Variants in ARMC9 observed in about 807,000 individuals in gnomAD.
ARMC9 encodes the protein lisH domain-containing protein ARMC9.
ARMC9 carries 94 observed loss-of-function variants against 107.0 expected under a neutral mutation model. That is an observed-to-expected ratio of 0.88 (90% CI 0.74 to 1.04). ARMC9 has a LOEUF of 1.04. Among genes scored for constraint, ARMC9 ranks in the 50% least tolerant of loss-of-function variants. The pLI is 0.00. For synonymous variants in ARMC9, 380 were observed against 396.9 expected, an observed-to-expected ratio of 0.96 and a Z score of 0.51; for missense variants, 942 against 1,030.1, an observed-to-expected ratio of 0.91 and a Z score of 1.17.
intron 8 of ARMC9, 40 bp downstream of exon 8, chr2:231,235,421 A>G (rs750592887): frequency 3.1e-5 from 50 of 1,610,896 alleles, no homozygotes; most frequent in Non-Finnish European, 3.8e-5. Context: ...CTGTTTGGCA[A>G]TGAAGAAGGC....
At chr2:231,318,625 G>T (rs1180106415) in intron 19 of ARMC9, among the ~76,000 whole-genome samples, 1 of 152,166 alleles carries the variant, frequency 6.6e-6, no homozygotes, top group East Asian at 1.9e-4. Context: ...ACGCCTCCAG[G>T]CAGGAAGGCC....
chr2:231,285,186 A>G (rs1447535839), intron 17 of ARMC9, among the ~76,000 whole-genome samples: 1 of 152,074 alleles, frequency 6.6e-6, no homozygotes, highest in Non-Finnish European at 1.5e-5. Flanking sequence ...TAACAGAGCA[A>G]GACTCTGTCT....
At chr2:231,367,461 G>A (rs2045862913) in intron 23 of ARMC9, among the ~76,000 whole-genome samples, 1 of 152,102 alleles carries the variant, frequency 6.6e-6, no homozygotes, top group Admixed American at 6.5e-5. Flanking sequence ...TGCCTTTGAG[G>A]GCTGCCTCCC....
intron 6 of ARMC9, among the ~76,000 whole-genome samples, chr2:231,225,273 T>C (rs2034532502): frequency 6.6e-6 from 1 of 152,194 alleles, no homozygotes; most frequent in African/African-American, 2.4e-5. Context: ...GCAGGTTAAG[T>C]TCCCTCAGAG....
At chr2:231,286,010 C>A (rs1293230359) in intron 17 of ARMC9, among the ~76,000 whole-genome samples, 5 of 149,302 alleles carry the variant, frequency 3.3e-5, no homozygotes, top group Non-Finnish European at 5.9e-5. Flanking sequence ...AATAAGACAA[C>A]AAGGAAAACG....
chr2:231,239,853 G>T, intron 8 of ARMC9, 90 bp from the exon 9 acceptor site: 1 of 1,079,094 alleles, frequency 9.3e-7, no homozygotes. Context: ...GAAAGCTGTT[G>T]AGAGACCACT....
At chr2:231,268,861 T>C (rs2039070731) in intron 12 of ARMC9, among the ~76,000 whole-genome samples, 1 of 151,922 alleles carries the variant, frequency 6.6e-6, no homozygotes, top group Non-Finnish European at 1.5e-5. Context: ...CAGGAGTTTG[T>C]GAGCAGCCTG....
chr2:231,287,124 A>T (rs2040649978), intron 17 of ARMC9, among the ~76,000 whole-genome samples: 1 of 152,204 alleles, frequency 6.6e-6, no homozygotes. Flanking sequence ...CTGGGCTTAG[A>T]AGCCACTCAG....
At chr2:231,312,483 C>A (rs990499270) in intron 19 of ARMC9, among the ~76,000 whole-genome samples, 1 of 152,238 alleles carries the variant, frequency 6.6e-6, no homozygotes, top group Non-Finnish European at 1.5e-5. Flanking sequence ...GATGTCCTTG[C>A]CAGGATGGCA....
At chr2:231,220,289 T>C (rs1434610996) in intron 5 of ARMC9, among the ~76,000 whole-genome samples, 2 of 152,112 alleles carry the variant, frequency 1.3e-5, no homozygotes, top group Non-Finnish European at 2.9e-5. Flanking sequence ...TCCTGTCTTT[T>C]ATTTCTTTAA....
intron 9 of ARMC9, among the ~76,000 whole-genome samples, chr2:231,240,917 G>C (rs2036235459): frequency 6.6e-6 from 1 of 152,112 alleles, no homozygotes; most frequent in Non-Finnish European, 1.5e-5. Context: ...AGAACATTTT[G>C]CTGGGTGCGG....
At chr2:231,280,172 G>T (rs1330285268) in intron 16 of ARMC9, among the ~76,000 whole-genome samples, 1 of 152,146 alleles carries the variant, frequency 6.6e-6, no homozygotes, top group African/African-American at 2.4e-5. Flanking sequence ...GAGCTGGATG[G>T]GCCGGGCACG....
chr2:231,256,244 G>T, intron 9 of ARMC9: 1 of 1,542,678 alleles, frequency 6.5e-7, no homozygotes, highest in Non-Finnish European at 8.8e-7. Context: ...AAAAGGCCCC[G>T]TGCGCGAGGG....
At chr2:231,264,866 G>A (rs960390475) in intron 12 of ARMC9, among the ~76,000 whole-genome samples, 5 of 152,022 alleles carry the variant, frequency 3.3e-5, no homozygotes, top group African/African-American at 1.2e-4. Flanking sequence ...CAGCACTTTG[G>A]TAGGCCGAGG....
At chr2:231,224,767 T>TA (rs2034484070) in intron 6 of ARMC9, among the ~76,000 whole-genome samples, 1 of 152,170 alleles carries the variant, frequency 6.6e-6, no homozygotes, top group South Asian at 2.1e-4. Flanking sequence ...GATTTAGGGA[T>TA]ATAAAGAAAA....
Position 231,331,846 on chromosome 2 carries a change from C to T in ARMC9, c.1827C>T (p.Pro609=), listed in dbSNP as rs2043760009. 1.9e-6 allele frequency: 3 copies of T among 1,613,944 alleles called. No homozygotes were observed. The highest frequency in any genetic ancestry group is 2.2e-5 in the South Asian group (2 of 91,076). Residue 609 remains proline (P), a synonymous_variant, in exon 20 of 25, where the codon CCC becomes CCT. Transcript: ENST00000611582. Reference sequence around the variant, plus strand: ...TGGACAAAGACGAACTGATCCAGCCCCAGCTCGGAGAACTCTCAGGAGAGA... The same window carrying T: ...TGGACAAAGACGAACTGATCCAGCCTCAGCTCGGAGAACTCTCAGGAGAGA... The part of the protein sequence containing the change: ...ADLDKDELIQ[P]QLGELSGEKL...
intron 7 of ARMC9, among the ~76,000 whole-genome samples, chr2:231,229,936 C>A (rs540646355): frequency 3.9e-5 from 6 of 152,000 alleles, no homozygotes; most frequent in Non-Finnish European, 8.8e-5. Flanking sequence ...GCTTGAGTGG[C>A]GGGGGAGAGA....
chr2:231,292,049 TC>T (rs957461254), intron 18 of ARMC9, among the ~76,000 whole-genome samples: 40 of 150,878 alleles, frequency 2.7e-4, no homozygotes, highest in Middle Eastern at 3.5e-3. Context: ...ATGCCTGTAG[TC>T]CCAGCTACTC....
At position 231,222,729 on chromosome 2, in the gene ARMC9, A is replaced by G; in HGVS notation, c.506A>G (p.Asp169Gly). ...ATTTTTGTTCCCTTTTTTCTTTAGG[A>G]TTCCTGGACTCCAGAGTTAAAGTTG... Reference protein sequence around the residue: ...VHPSFKELFQDSWTPELKLKL... With the variant: ...VHPSFKELFQGSWTPELKLKL... Residue 169 changes from aspartate (D) to glycine (G), a missense_variant and splice_region_variant, in exon 6 of 25, where the codon GAT (aspartate) becomes GGT (glycine). Coordinates refer to ENST00000611582, the MANE Select transcript of ARMC9 (RefSeq NM_001352754.2). 6.6e-7 allele frequency: 1 copy of G among 1,509,374 alleles called. No individual in the cohort carries two copies. The highest frequency in any genetic ancestry group is 9.1e-7 in the Non-Finnish European group (1 of 1,095,314). 93.5% of individuals were successfully genotyped at this position (1,509,374 alleles called of 1,614,324 possible).
Sources: allele counts gnomAD v4.1 joint callset (sites outside exome capture counted in the v4.1 genomes callset), GRCh38; gene constraint gnomAD v4.1.1; transcripts MANE v1.5; gene names NCBI Gene and HGNC (gene_info 2026-07-23, HGNC 2026-07-21).